Variants in PTPRR observed in about 807,000 individuals in gnomAD.
PTPRR encodes protein tyrosine phosphatase receptor type R.
PTPRR carries 38 observed loss-of-function variants against 77.2 expected under a neutral mutation model. The observed-to-expected ratio is 0.49, with a 90% confidence interval of 0.38 to 0.65. The LOEUF is 0.65. PTPRR is among the 30% of genes least tolerant of loss of function. PTPRR has a pLI of 0.00. For synonymous variants in PTPRR, 299 were observed against 283.1 expected, an observed-to-expected ratio of 1.06 and a Z score of -0.57; for missense variants, 744 against 799.2, an observed-to-expected ratio of 0.93 and a Z score of 0.83.
chr12:70,732,234 C>CT (rs1889686539), intron 6 of PTPRR, among the ~76,000 whole-genome samples: 1 of 152,142 alleles, frequency 6.6e-6, no homozygotes, highest in Admixed American at 6.6e-5. Flanking sequence ...AAAATTCCAA[C>CT]TTTTTTTTCT....
intron 2 of PTPRR, among the ~76,000 whole-genome samples, chr12:70,790,997 C>T (rs1565698345): frequency 6.6e-6 from 1 of 152,172 alleles, no homozygotes; most frequent in Non-Finnish European, 1.5e-5. Context: ...CCACATCTAT[C>T]ATGGGCCAAA....
intron 8 of PTPRR, among the ~76,000 whole-genome samples, chr12:70,691,038 T>C (rs1888037569): frequency 6.6e-6 from 1 of 152,142 alleles, no homozygotes; most frequent in African/African-American, 2.4e-5. Context: ...AAAGGTCAGT[T>C]CTATATATCC....
At chr12:70,647,828 AGCAAAATATCCCTTTT>A (rs1435578546) in intron 13 of PTPRR, among the ~76,000 whole-genome samples, 1 of 152,222 alleles carries the variant, frequency 6.6e-6, no homozygotes, top group Non-Finnish European at 1.5e-5. Context: ...AATGTGATTG[AGCAAAATATCCCTTTT>A]GCAACAATGC....
intron 6 of PTPRR, among the ~76,000 whole-genome samples, chr12:70,711,560 A>G (rs1007435976): frequency 6.6e-6 from 1 of 152,120 alleles, no homozygotes; most frequent in Non-Finnish European, 1.5e-5. Flanking sequence ...ACAAACCCCC[A>G]TGACACAAGT....
rs116492968 is a variant in PTPRR, at chr12:70,653,995, A to G, written c.1880+2709T>C. ...TAGAAAGACTTAGAGGCTACTGTCT[A>G]AAAAGGAGACAAGAATGTTACAGAT... On this transcript the variant is annotated intron_variant, in intron 13 of 13. Transcript: ENST00000283228. Among the ~76,000 whole-genome samples the G allele has an allele frequency of 4.3e-3, 649 of 152,366 alleles. 4 individuals carry two copies. Among genetic ancestry groups the G allele is most frequent in the African/African-American group, 0.015 (631 of 41,594 alleles).
chr12:70,750,701 G>T (rs1350175074), intron 5 of PTPRR, among the ~76,000 whole-genome samples: 1 of 152,022 alleles, frequency 6.6e-6, no homozygotes, highest in Middle Eastern at 3.2e-3. Flanking sequence ...TCTGTGTGCT[G>T]CGGGTTCCTC....
At chr12:70,711,621 C>A (rs1169520333) in intron 6 of PTPRR, among the ~76,000 whole-genome samples, 2 of 151,718 alleles carry the variant, frequency 1.3e-5, no homozygotes, top group Non-Finnish European at 2.9e-5. Flanking sequence ...ACATAGAAGT[C>A]AAAAAAGAGC....
chr12:70,724,008 A>G (rs997809149), intron 6 of PTPRR, among the ~76,000 whole-genome samples: 4 of 152,214 alleles, frequency 2.6e-5, no homozygotes, highest in Non-Finnish European at 5.9e-5. Context: ...CAGATTTTTG[A>G]GGAAGAATGA....
intron 6 of PTPRR, among the ~76,000 whole-genome samples, chr12:70,740,076 A>G (rs1424347372): frequency 1.3e-5 from 2 of 152,306 alleles, no homozygotes; most frequent in East Asian, 3.9e-4. Flanking sequence ...ATGATAATGA[A>G]AGATTGTTAT....
At chr12:70,870,213 A>G (rs539390509) in intron 2 of PTPRR, among the ~76,000 whole-genome samples, 2 of 152,294 alleles carry the variant, frequency 1.3e-5, no homozygotes, top group African/African-American at 4.8e-5. Context: ...CACAGATGAA[A>G]GGGGATGCAG....
In PTPRR at chr12:70,754,251, T is replaced by A; in HGVS notation, c.678A>T (p.Glu226Asp). ...GAAAAATGACAACAGCATAAAATCC[T>A]TCTTTGCTCCAGATTTTGTCCGCTT... ...QHEADKIWSKEGFYAVVIFLS... is the reference protein window; with the variant it reads ...QHEADKIWSKDGFYAVVIFLS... The change falls in exon 5 of 14, where the codon GAA becomes GAT. Residue 226 changes from glutamate (E) to aspartate (D), a missense_variant. Coordinates refer to ENST00000283228, the MANE Select transcript of PTPRR (RefSeq NM_002849.4). The A allele has an allele frequency of 6.2e-7, 1 of 1,613,790 alleles. No individual in the cohort carries two copies. The highest frequency in any genetic ancestry group is 8.5e-7 in the Non-Finnish European group (1 of 1,179,832).
rs539777083 is a variant in PTPRR, at chr12:70,709,437, C to T, written c.1008-8114G>A. The stretch of plus-strand genomic sequence containing the variant: ...CAAGAATGCTTTCACCACTTGTAGT[C>T]AACATAGTATTGGATGTCCTGGCCA... On this transcript the variant is annotated intron_variant, in intron 6 of 13. Transcript: ENST00000283228. 3.3e-5 allele frequency among the ~76,000 whole-genome samples: 5 copies of T among 152,180 alleles called. No homozygotes were observed. The East Asian group carries it at 5.8e-4, about 18-fold the overall frequency.
At chr12:70,918,622 C>T (rs532799494) in intron 1 of PTPRR, among the ~76,000 whole-genome samples, 2 of 152,302 alleles carry the variant, frequency 1.3e-5, no homozygotes, top group South Asian at 4.1e-4. Context: ...ATGTTTTTCA[C>T]ATGCTTCAGT....
chr12:70,683,043 C>G (rs1887733470), intron 10 of PTPRR, among the ~76,000 whole-genome samples: 1 of 152,136 alleles, frequency 6.6e-6, no homozygotes, highest in African/African-American at 2.4e-5. Flanking sequence ...AAAGTTTTAT[C>G]TATTGTAGCA....
At chr12:70,757,309 A>G (rs1890586026) in intron 4 of PTPRR, among the ~76,000 whole-genome samples, 1 of 152,176 alleles carries the variant, frequency 6.6e-6, no homozygotes, top group Admixed American at 6.5e-5. Flanking sequence ...AACTGGAGTA[A>G]TTTGCAATTG....
intron 2 of PTPRR, among the ~76,000 whole-genome samples, chr12:70,834,619 G>A (rs1892270478): frequency 6.6e-6 from 1 of 152,120 alleles, no homozygotes; most frequent in Non-Finnish European, 1.5e-5. Flanking sequence ...TGATGAGAAT[G>A]TTATTAACTG....
chr12:70,800,860 A>G (rs912292167), intron 2 of PTPRR, among the ~76,000 whole-genome samples: 3 of 151,048 alleles, frequency 2.0e-5, no homozygotes, highest in Non-Finnish European at 4.4e-5. Context: ...GCACTATTGC[A>G]CTCCAGCCTG....
At chr12:70,690,115 T>C (rs1329901745) in intron 8 of PTPRR, among the ~76,000 whole-genome samples, 4 of 152,128 alleles carry the variant, frequency 2.6e-5, no homozygotes, top group African/African-American at 4.8e-5. Flanking sequence ...TCTTAGACCA[T>C]GCAAAGGTAA....
intron 2 of PTPRR, among the ~76,000 whole-genome samples, chr12:70,888,599 C>T (rs1893281822): frequency 6.6e-6 from 1 of 152,190 alleles, no homozygotes; most frequent in South Asian, 2.1e-4. Context: ...AGTCACACCT[C>T]ACATTACAGT....
Sources: allele counts gnomAD v4.1 joint callset (sites outside exome capture counted in the v4.1 genomes callset), GRCh38; gene constraint gnomAD v4.1.1; transcripts MANE v1.5; gene names NCBI Gene and HGNC (gene_info 2026-07-23, HGNC 2026-07-21).